Variants in RBFOX1 observed in about 807,000 individuals in gnomAD.
RBFOX1 encodes RNA binding fox-1 homolog 1.
In RBFOX1, 8 loss-of-function variants were observed where a neutral mutation model predicts 57.7. The ratio of observed to expected loss-of-function variants is 0.14; its 90% CI spans 0.08 to 0.25. The LOEUF (loss-of-function observed/expected upper bound fraction) is 0.25, where lower values mean the gene tolerates loss of function less well. Ranked by LOEUF, RBFOX1 falls within the 10% of genes least tolerant of loss-of-function variation. The pLI, the probability that RBFOX1 is intolerant of heterozygous loss-of-function variation, is 1.00. For synonymous variants in RBFOX1, 326 were observed against 222.4 expected (o/e 1.47, Z -4.15); for missense variants, 611 against 548.5 (o/e 1.11, Z -1.14).
At chr16:5,928,343 C>G (rs1286429773) in intron 4 of RBFOX1, among the ~76,000 whole-genome samples, 1 of 151,218 alleles carries the variant, frequency 6.6e-6, no homozygotes, top group Non-Finnish European at 1.5e-5. Flanking sequence ...CCTGCCTTCC[C>G]AAGTGTTGGG....
chr16:7,120,815 T>TTATATATA (rs201841382), intron 4 of RBFOX1, among the ~76,000 whole-genome samples: 30 of 113,586 alleles, frequency 2.6e-4, no homozygotes, highest in African/African-American at 5.7e-4. Context: ...ATGTAATATT[T>TTATATATA]TATATATGTA....
intron 3 of RBFOX1, among the ~76,000 whole-genome samples, chr16:6,977,846 G>T (rs553392583): frequency 6.7e-6 from 1 of 150,220 alleles, no homozygotes; most frequent in Non-Finnish European, 1.5e-5. Context: ...TTGAAAAGCT[G>T]CTTCCCAATC....
chr16:6,128,104 C>G (rs529311195), intron 1 of RBFOX1, among the ~76,000 whole-genome samples: 35 of 152,158 alleles, frequency 2.3e-4, no homozygotes, highest in Non-Finnish European at 4.1e-4. Flanking sequence ...TGAGGCATAT[C>G]TCTAAAATGC....
intron 2 of RBFOX1, among the ~76,000 whole-genome samples, chr16:6,469,856 A>T (rs972443904): frequency 6.6e-6 from 1 of 152,142 alleles, no homozygotes; most frequent in Non-Finnish European, 1.5e-5. Context: ...TCCCTTCAAG[A>T]CCTATAGGGC....
chr16:7,679,140 C>T (rs1284725861), intron 14 of RBFOX1, among the ~76,000 whole-genome samples: 2 of 152,138 alleles, frequency 1.3e-5, no homozygotes, highest in Non-Finnish European at 2.9e-5. Context: ...AGTTGTATTT[C>T]TGATGTTTTA....
intron 3 of RBFOX1, among the ~76,000 whole-genome samples, chr16:5,784,038 A>G (rs939439253): frequency 2.6e-5 from 4 of 152,284 alleles, no homozygotes; most frequent in African/African-American, 9.6e-5. Context: ...TAATTAGTTC[A>G]TGGTTCTGCA....
chr16:7,449,928 A>G (rs1458872648), intron 4 of RBFOX1, among the ~76,000 whole-genome samples: 1 of 152,084 alleles, frequency 6.6e-6, no homozygotes, highest in African/African-American at 2.4e-5. Flanking sequence ...AGCAGTGAGA[A>G]GTGGAGAGTT....
intron 3 of RBFOX1, among the ~76,000 whole-genome samples, chr16:6,666,293 G>C (rs1465244697): frequency 6.6e-6 from 1 of 152,142 alleles, no homozygotes; most frequent in Non-Finnish European, 1.5e-5. Context: ...CAGCACTTTG[G>C]GAGGCTTAGG....
intron 4 of RBFOX1, among the ~76,000 whole-genome samples, chr16:7,426,762 G>C (rs2098619380): frequency 1.3e-5 from 2 of 152,098 alleles, no homozygotes; most frequent in South Asian, 4.2e-4. Flanking sequence ...CTAGAGTGAA[G>C]TGGTCTGCAG....
intron 3 of RBFOX1, among the ~76,000 whole-genome samples, chr16:5,801,874 T>C (rs965442304): frequency 2.6e-5 from 4 of 152,160 alleles, no homozygotes; most frequent in African/African-American, 9.7e-5. Flanking sequence ...GGAAGTTGTG[T>C]ATGCAGGGCA....
At chr16:5,306,810 A>G (rs966271521) in intron 1 of RBFOX1, among the ~76,000 whole-genome samples, 2 of 152,206 alleles carry the variant, frequency 1.3e-5, no homozygotes, top group Admixed American at 1.3e-4. Flanking sequence ...ACCGTAAGAC[A>G]AAGCATCACA....
intron 3 of RBFOX1, among the ~76,000 whole-genome samples, chr16:6,980,534 C>G (rs149399653): frequency 3.3e-4 from 50 of 152,178 alleles, no homozygotes; most frequent in African/African-American, 1.1e-3. Flanking sequence ...AAAGTGTTTT[C>G]CAAGCTAACA....
intron 1 of RBFOX1, among the ~76,000 whole-genome samples, chr16:6,130,460 A>C (rs1309305634): frequency 6.6e-6 from 1 of 152,146 alleles, no homozygotes; most frequent in Non-Finnish European, 1.5e-5. Context: ...AGAAGTCAAG[A>C]AATAAGGAAT....
chr16:6,076,982 T>C (rs2171229), intron 1 of RBFOX1, among the ~76,000 whole-genome samples: 102,515 of 152,006 alleles, frequency 0.67, 35,023 homozygotes, highest in Non-Finnish European at 0.74. Flanking sequence ...AGGATCATCA[T>C]CCCTGGAGCT....
chr16:7,237,160 C>A (rs1487226776), intron 4 of RBFOX1, among the ~76,000 whole-genome samples: 2 of 152,202 alleles, frequency 1.3e-5, no homozygotes, highest in African/African-American at 4.8e-5. Flanking sequence ...TTGGGATAGG[C>A]CAGCGTGCCA....
intron 14 of RBFOX1, among the ~76,000 whole-genome samples, chr16:7,707,498 G>C (rs1227940258): frequency 6.6e-6 from 1 of 152,142 alleles, no homozygotes; most frequent in East Asian, 1.9e-4. Context: ...TCTTCCACCA[G>C]CCTTGTTCCT....
intron 1 of RBFOX1, among the ~76,000 whole-genome samples, chr16:5,349,715 C>G (rs2065220911): frequency 6.6e-6 from 1 of 152,176 alleles, no homozygotes; most frequent in African/African-American, 2.4e-5. Flanking sequence ...TTCATTTTAC[C>G]TGTTCTTAAA....
chr16:7,000,310 T>A (rs1568305627), intron 3 of RBFOX1, among the ~76,000 whole-genome samples: 2 of 152,078 alleles, frequency 1.3e-5, no homozygotes, highest in Non-Finnish European at 2.9e-5. Flanking sequence ...AATTTAAACA[T>A]GATCGATATG....
intron 1 of RBFOX1, among the ~76,000 whole-genome samples, chr16:6,068,121 A>C (rs1252283299): frequency 6.6e-6 from 1 of 151,984 alleles, no homozygotes; most frequent in Admixed American, 6.6e-5. Context: ...TAGTAGTTTC[A>C]CTAAGGAAAC....
Sources: gnomAD v4.1 joint callset for allele counts (sites outside exome capture counted in the v4.1 genomes callset) on GRCh38, gnomAD v4.1.1 for gene constraint, MANE v1.5 for transcripts, NCBI Gene and HGNC (gene_info 2026-07-23, HGNC 2026-07-21) for gene names.